CST1: variants seen among roughly 807,000 people sequenced by gnomAD.
CST1 encodes cystatin-SN.
CST1 carries 19 observed loss-of-function variants against 10.7 expected under a neutral mutation model. The observed-to-expected ratio is 1.78, with a 90% CI of 1.24 to 2.61. The LOEUF is 2.61. CST1 is among the 30% of genes most tolerant of loss of function. The pLI is 0.00. For synonymous variants in CST1, 95 were observed against 72.8 expected, an observed-to-expected ratio of 1.31 and a Z score of -1.55; for missense variants, 247 against 178.1, an observed-to-expected ratio of 1.39 and a Z score of -2.20.
intron 1 of CST1, 121 bp downstream of exon 1, chr20:23,750,518 C>G: frequency 1.1e-6 from 1 of 937,748 alleles, no homozygotes; most frequent in South Asian, 1.6e-5. Context: ...CCAGGGAAAG[C>G]TGAATGAATC....
chr20:23,749,080 A>G lies in CST1; in HGVS notation c.278T>C (p.Ile93Thr), dbSNP rs1207726145. Residue 93 changes from isoleucine (I) to threonine (T), a missense_variant, in exon 2 of 3, where the codon ATA (isoleucine) becomes ACA (threonine). Coordinates refer to ENST00000304749, the MANE Select transcript of CST1 (RefSeq NM_001898.3). ...CAAGTTGGGCTGGGACTTGGTACAT[A>G]TGGTGCGGCCCACCTCTACGTCGAA... is the stretch of plus-strand genomic sequence containing the variant. The part of the protein sequence containing the change: ...YFFDVEVGRT[I>T]CTKSQPNLDT... The G allele has an allele frequency of 6.2e-6, 10 of 1,614,102 alleles. No homozygotes were observed. The Admixed American group carries it at 8.3e-5, about 13-fold the overall frequency.
chr20:23,748,849 T>G (rs4990306), intron 2 of CST1, among the ~76,000 whole-genome samples, 167 bp downstream of exon 2: 108,908 of 151,330 alleles, frequency 0.72, 40,003 homozygotes, highest in African/African-American at 0.87. Context: ...CACACCTACA[T>G]GCACACCCCC....
rs111970344 is a variant in CST1, at chr20:23,748,385, T to C, written c.343-486A>G. Among the ~76,000 whole-genome samples, 1,199 of 152,176 alleles carry C rather than the reference T, an allele frequency of 7.9e-3. 8 individuals are homozygous for C. Among genetic ancestry groups the C allele is most frequent in the African/African-American group, 0.018 (754 of 41,476 alleles). On this transcript the variant is annotated intron_variant, in intron 2 of 2. Transcript: ENST00000304749. ...AGACCTCACAAGAACCAGCAGGTCC[T>C]TGGAGAGGCTGGTGTTGGGTGAGCC...
rs769846587 is a variant in CST1, at chr20:23,750,765, G to T, written c.102C>A (p.Ile34=). The T allele has an allele frequency of 1.9e-5, 31 of 1,614,180 alleles. No homozygotes were observed. The highest frequency in any genetic ancestry group is 2.4e-5 in the Non-Finnish European group (28 of 1,180,028). Residue 34 remains isoleucine, a synonymous_variant, in exon 1 of 3, where the codon ATC becomes ATA. Coordinates refer to ENST00000304749, the MANE Select transcript of CST1 (RefSeq NM_001898.3). ...ACTCATCATTGAGGTCTGCGTTATA[G>T]ATGCCACCCGGGATTATCCTATCCT... ...KEEDRIIPGG[I]YNADLNDEWV... is the part of the protein sequence containing the mutation.
chr20:23,749,914 G>A (rs965396464), intron 1 of CST1, among the ~76,000 whole-genome samples: 3 of 150,180 alleles, frequency 2.0e-5, no homozygotes, highest in African/African-American at 7.4e-5. Context: ...AGGAGAAACG[G>A]GGCTGGTGGG....
At chr20:23,748,160 T>C (rs1270038370) in intron 2 of CST1, among the ~76,000 whole-genome samples, 15 of 151,544 alleles carry the variant, frequency 9.9e-5, no homozygotes, top group East Asian at 2.0e-4. Context: ...CTGTGAGGAG[T>C]AGCCTGGGCA....
At chr20:23,748,363 C>A (rs1195274229) in intron 2 of CST1, among the ~76,000 whole-genome samples, 1 of 152,144 alleles carries the variant, frequency 6.6e-6, no homozygotes, top group Non-Finnish European at 1.5e-5. Context: ...TGAGTGGAGA[C>A]CTCACAAGAA....
rs1250379796 is a variant in CST1 at position 23,747,893 on chromosome 20, A to G, written c.349T>C (p.Leu117=). 3 of 1,613,608 alleles carry G rather than the reference A, an allele frequency of 1.9e-6. No homozygotes were observed. The highest frequency in any genetic ancestry group is 2.7e-5 in the African/African-American group (2 of 74,972). ...ACTTCGTAGATCTCGAAAGAGCACA[A>G]CTGTTTCTGTGAAAGGGAAGAGAGA... ...HEQPELQKKQ[L]CSFEIYEVPW... is the part of the protein sequence containing the mutation. The change falls in exon 3 of 3, where the codon TTG becomes CTG. Residue 117 remains leucine, a synonymous_variant. Coordinates refer to ENST00000304749, the MANE Select transcript of CST1 (RefSeq NM_001898.3).
At chr20:23,748,474 G>T (rs879892994) in intron 2 of CST1, among the ~76,000 whole-genome samples, 4 of 152,100 alleles carry the variant, frequency 2.6e-5, no homozygotes, top group South Asian at 2.1e-4. Context: ...CACTGTGGCT[G>T]TGGCTGCATG....
In CST1 at chr20:23,747,592, G is replaced by A; in HGVS notation, c.*224C>T. 1 of 558,966 alleles carries A rather than the reference G, an allele frequency of 1.8e-6. No individual in the cohort carries two copies. The highest frequency in any genetic ancestry group is 3.2e-6 in the Non-Finnish European group (1 of 312,368). 34.6% of individuals were successfully genotyped at this position (558,966 alleles called of 1,614,324 possible). ...TGCTACTGTTTAATTGCAGGAGGTG[G>A]GGGGGTGTGTACCATGTACCAGGGC... On this transcript the variant is annotated 3_prime_UTR_variant, in exon 3 of 3. Coordinates refer to ENST00000304749, the MANE Select transcript of CST1 (RefSeq NM_001898.3).
intron 1 of CST1, 74 bp from the exon 2 acceptor site, chr20:23,749,203 A>G: frequency 2.3e-6 from 3 of 1,285,108 alleles, no homozygotes; most frequent in South Asian, 2.5e-5. Flanking sequence ...TGGCTGAGTC[A>G]CTGGACTTGC....
At chr20:23,749,920 G>C (rs1201146800) in intron 1 of CST1, among the ~76,000 whole-genome samples, 1 of 150,540 alleles carries the variant, frequency 6.6e-6, no homozygotes, top group African/African-American at 2.5e-5. Flanking sequence ...AACGGGGCTG[G>C]TGGGGATTCC....
rs190417182 is a variant in CST1, at chr20:23,748,741, A to G, written c.342+275T>C. 5.6e-3 allele frequency among the ~76,000 whole-genome samples: 844 copies of G among 151,712 alleles called. 7 individuals carry two copies. The highest frequency in any genetic ancestry group is 8.1e-3 in the Non-Finnish European group (553 of 67,906). ...CCCATGGATCTATGTACAAAGCCCC[A>G]TACACCCCCCACACATCCATGCACA... is the stretch of plus-strand genomic sequence containing the variant. On this transcript the variant is annotated intron_variant, in intron 2 of 2. Transcript: ENST00000304749.
rs774617467 is a variant in CST1 at position 23,750,807 on chromosome 20, G to A, written c.60C>T (p.Ala20=). 2 of 1,614,008 alleles carry A rather than the reference G, an allele frequency of 1.2e-6. No individual in the cohort carries two copies. The highest frequency in any genetic ancestry group is 1.7e-5 in the Admixed American group (1 of 60,000). The change falls in exon 1 of 3, where the codon GCC becomes GCT. Residue 20 remains alanine, a synonymous_variant. Coordinates refer to ENST00000304749, the MANE Select transcript of CST1 (RefSeq NM_001898.3). ...TCCTATCCTCCTCCTTGGGGCTCCAGGCCAGGGCCACAGCTAGGGTGGCCA... is the reference window on the plus strand; with the variant it reads ...TCCTATCCTCCTCCTTGGGGCTCCAAGCCAGGGCCACAGCTAGGGTGGCCA... ...LLLATLAVAL[A]WSPKEEDRII... is the part of the protein sequence containing the mutation.
chr20:23,750,031 A>T (rs1982786054), intron 1 of CST1, among the ~76,000 whole-genome samples: 1 of 151,604 alleles, frequency 6.6e-6, no homozygotes. Flanking sequence ...TGCCCTGCTG[A>T]AGCTCCCTCC....
At position 23,748,916 on chromosome 20, in the gene CST1, C is replaced by T; in HGVS notation, c.342+100G>A. ...CATACACGGCTCCCCACATACCCACCTGCACACACACACCCTCCAAACATG... is the reference window on the plus strand; with the variant it reads ...CATACACGGCTCCCCACATACCCACTTGCACACACACACCCTCCAAACATG... On this transcript the variant is annotated intron_variant, in intron 2 of 2. Transcript: ENST00000304749. The T allele has an allele frequency of 2.4e-6, 2 of 825,060 alleles. 1 individual carries two copies. The highest frequency in any genetic ancestry group is 3.7e-6 in the Non-Finnish European group (2 of 544,214). 51.1% of individuals were successfully genotyped at this position (825,060 alleles called of 1,614,324 possible). A position where few individuals can be genotyped will look rare whatever the true frequency, so the allele number is the denominator to read the frequency against.
intron 1 of CST1, 89 bp downstream of exon 1, chr20:23,750,550 A>G (rs1217871891): frequency 2.0e-5 from 23 of 1,129,658 alleles, no homozygotes; most frequent in South Asian, 1.9e-4. Flanking sequence ...TCATGAATGT[A>G]TCAGTGTTGA....
At chr20:23,748,911 C>T in intron 2 of CST1, 105 bp downstream of exon 2, 3 of 894,018 alleles carry the variant, frequency 3.4e-6, no homozygotes, top group Middle Eastern at 2.4e-4. Context: ...TCCCCACATA[C>T]CCACCTGCAC....
In CST1 at chr20:23,747,670, A is replaced by G; in HGVS notation, c.*146T>C. 1.4e-6 allele frequency: 1 copy of G among 704,030 alleles called. No individual in the cohort carries two copies. The highest frequency in any genetic ancestry group is 2.4e-6 in the Non-Finnish European group (1 of 410,896). 43.6% of individuals were successfully genotyped at this position (704,030 alleles called of 1,614,324 possible). ...GGCAGAGCGCCCTGCTGAGCAACAA[A>G]GGACTCCTGCAGCCTTCTCTGTCTG... is the stretch of plus-strand genomic sequence containing the variant. On this transcript the variant is annotated 3_prime_UTR_variant, in exon 3 of 3. Transcript: ENST00000304749.
Sources: allele counts gnomAD v4.1 joint callset (sites outside exome capture counted in the v4.1 genomes callset), GRCh38; gene constraint gnomAD v4.1.1; transcripts MANE v1.5; gene names NCBI Gene and HGNC (gene_info 2026-07-23, HGNC 2026-07-21).